The following NLGN1 variants were observed in gnomAD, a reference collection of about 807,000 sequenced individuals.
NLGN1 encodes neuroligin 1.
Under a neutral mutation model 65.5 loss-of-function variants are expected in NLGN1, and 12 were observed. That is an observed-to-expected ratio of 0.18 (90% CI 0.12 to 0.30). The LOEUF (loss-of-function observed/expected upper bound fraction) is 0.30. NLGN1 is among the 10% of genes least tolerant of loss of function. NLGN1 has a pLI of 1.00. For missense variants in NLGN1, 750 were observed against 1,007.1 expected (o/e 0.74, Z 3.46); for synonymous variants, 350 against 359.5 (o/e 0.97, Z 0.30).
intron 4 of NLGN1, among the ~76,000 whole-genome samples, chr3:173,944,723 A>C (rs1746841292): frequency 6.6e-6 from 1 of 152,164 alleles, no homozygotes; most frequent in South Asian, 2.1e-4. Flanking sequence ...TAGCTTTTTG[A>C]GTACATCTTT....
At chr3:173,415,421 A>T (rs1713474967) in intron 1 of NLGN1, among the ~76,000 whole-genome samples, 1 of 152,184 alleles carries the variant, frequency 6.6e-6, no homozygotes, top group African/African-American at 2.4e-5. Context: ...ATGAAGACAA[A>T]TCTCTCCCGG....
At chr3:173,769,743 C>T (rs1779310566) in intron 3 of NLGN1, among the ~76,000 whole-genome samples, 1 of 152,162 alleles carries the variant, frequency 6.6e-6, no homozygotes, top group African/African-American at 2.4e-5. Context: ...AGTGCATCTA[C>T]TTAACAACTT....
At chr3:174,257,284 AAG>A (rs1269577582) in intron 4 of NLGN1, among the ~76,000 whole-genome samples, 3 of 152,188 alleles carry the variant, frequency 2.0e-5, no homozygotes, top group Non-Finnish European at 4.4e-5. Flanking sequence ...GTGAAGAAAA[AAG>A]AATGCTTTTA....
At chr3:173,731,122 T>G (rs6798490) in intron 3 of NLGN1, among the ~76,000 whole-genome samples, 31,518 of 151,942 alleles carry the variant, frequency 0.21, 3,361 homozygotes, top group Admixed American at 0.25. Context: ...CAATTTCTCT[T>G]TTTCTAGGGA....
At position 173,457,342 on chromosome 3, in the gene NLGN1, C is replaced by T. The variant is rs539774818; in HGVS notation, c.-321+22264C>T. Among the ~76,000 whole-genome samples, 11 of 152,050 alleles carry T rather than the reference C, an allele frequency of 7.2e-5. No homozygotes were observed. In the South Asian group the frequency reaches 8.3e-4, roughly 11 times the overall value. On this transcript the variant is annotated intron_variant, in intron 2 of 6. Transcript: ENST00000457714. ...AGCACAGTTGCTGCATGTGGTTGTG[C>T]GGATTTTGAACCACATAAGTGTAGG...
At chr3:173,821,602 G>A (rs1323597320) in intron 4 of NLGN1, among the ~76,000 whole-genome samples, 2 of 151,946 alleles carry the variant, frequency 1.3e-5, no homozygotes, top group Admixed American at 6.6e-5. Context: ...GAATATATTT[G>A]GCTCTTCTGT....
At chr3:173,665,890 G>C (rs1761627421) in intron 3 of NLGN1, among the ~76,000 whole-genome samples, 1 of 152,056 alleles carries the variant, frequency 6.6e-6, no homozygotes, top group South Asian at 2.1e-4. Context: ...TTTGTAATTG[G>C]TATTAATTTC....
At chr3:174,017,861 G>T (rs913974889) in intron 4 of NLGN1, among the ~76,000 whole-genome samples, 1 of 152,086 alleles carries the variant, frequency 6.6e-6, no homozygotes, top group East Asian at 1.9e-4. Context: ...ATGAAGTTTC[G>T]GGCACGTGTT....
intron 4 of NLGN1, among the ~76,000 whole-genome samples, chr3:174,266,857 ATTC>A (rs1366056267): frequency 1.3e-5 from 2 of 152,058 alleles, no homozygotes; most frequent in East Asian, 1.9e-4. Context: ...TTTTCTTTTA[ATTC>A]TTCTTGACTT....
intron 1 of NLGN1, among the ~76,000 whole-genome samples, chr3:173,406,467 A>G (rs1718684481): frequency 6.7e-6 from 1 of 149,722 alleles, no homozygotes; most frequent in Non-Finnish European, 1.5e-5. Flanking sequence ...TTTTATATGT[A>G]TATTTATATA....
At chr3:173,632,107 A>T (rs1755775929) in intron 3 of NLGN1, among the ~76,000 whole-genome samples, 2 of 152,084 alleles carry the variant, frequency 1.3e-5, no homozygotes, top group Non-Finnish European at 2.9e-5. Flanking sequence ...TTGTTTTCAG[A>T]TACATCTGCA....
intron 4 of NLGN1, among the ~76,000 whole-genome samples, chr3:173,930,907 T>A (rs906077654): frequency 6.6e-6 from 1 of 152,200 alleles, no homozygotes; most frequent in South Asian, 2.1e-4. Flanking sequence ...CTCTCTGATG[T>A]TGTTTCTTAC....
intron 2 of NLGN1, among the ~76,000 whole-genome samples, chr3:173,452,719 T>G (rs776474262): frequency 6.6e-5 from 10 of 152,146 alleles, no homozygotes; most frequent in African/African-American, 1.4e-4. Context: ...AGGAGAGAGA[T>G]AGATTACTTG....
At chr3:174,116,601 G>T (rs1262558660) in intron 4 of NLGN1, among the ~76,000 whole-genome samples, 1 of 152,024 alleles carries the variant, frequency 6.6e-6, no homozygotes, top group Non-Finnish European at 1.5e-5. Context: ...GCCTTCCGAA[G>T]TGCTGGGAAT....
At position 173,795,474 on chromosome 3, in the gene NLGN1, C is replaced by T. The variant is rs1223186434; in HGVS notation, c.494-12206C>T. Among the ~76,000 whole-genome samples the T allele has an allele frequency of 4.6e-5, 7 of 151,958 alleles. No homozygotes were observed. In the East Asian group the frequency reaches 7.7e-4, roughly 17 times the overall value. ...AATAAATATAGTAATATCAAATTAG[C>T]GAGAATGATTCCAAATCAGTCACTT... On this transcript the variant is annotated intron_variant, in intron 3 of 6. Transcript: ENST00000457714.
At chr3:174,068,967 TG>T (rs1739248956) in intron 4 of NLGN1, among the ~76,000 whole-genome samples, 1 of 152,094 alleles carries the variant, frequency 6.6e-6, no homozygotes, top group Non-Finnish European at 1.5e-5. Context: ...AGAAATGAGT[TG>T]GTGGGAGAAA....
intron 3 of NLGN1, among the ~76,000 whole-genome samples, chr3:173,804,859 TC>T (rs1458685737): frequency 6.6e-6 from 1 of 151,944 alleles, no homozygotes; most frequent in Admixed American, 6.6e-5. Flanking sequence ...AAACCCCATC[TC>T]CACTAAAAAT....
chr3:174,281,322 CTATTT>C, exon 7 of NLGN1: 1 of 1,536,830 alleles, frequency 6.5e-7, no homozygotes, highest in Non-Finnish European at 8.9e-7. Flanking sequence ...GAGAAACAAA[CTATTT>C]TTTTTGATGG....
At chr3:173,656,435 G>A (rs1297603604) in intron 3 of NLGN1, among the ~76,000 whole-genome samples, 1 of 152,096 alleles carries the variant, frequency 6.6e-6, no homozygotes. Context: ...AACATACAGA[G>A]ATGTCTCTCA....
Sources: gnomAD v4.1 joint callset for allele counts (sites outside exome capture counted in the v4.1 genomes callset) on GRCh38, gnomAD v4.1.1 for gene constraint, MANE v1.5 for transcripts, NCBI Gene and HGNC (gene_info 2026-07-23, HGNC 2026-07-21) for gene names.